HERC2: variants seen among roughly 807,000 people sequenced by gnomAD.
HERC2 encodes HECT and RLD domain containing E3 ubiquitin protein ligase 2, also known as E3 ubiquitin-protein ligase HERC2.
Under a neutral mutation model 537.7 loss-of-function variants are expected in HERC2, and 102 were observed. The ratio of observed to expected loss-of-function variants is 0.19; its 90% CI spans 0.16 to 0.22. HERC2 has a LOEUF of 0.22. HERC2 is among the 10% of genes least tolerant of loss of function. The pLI is 1.00. For missense variants in HERC2, 4,236 were observed against 6,198.2 expected, an observed-to-expected ratio of 0.68 and a Z score of 10.63; for synonymous variants, 2,224 against 2,466.2, an observed-to-expected ratio of 0.90 and a Z score of 2.91.
chr15:28,299,744 T>C (rs565855481), intron 2 of HERC2, among the ~76,000 whole-genome samples: 2 of 152,314 alleles, frequency 1.3e-5, no homozygotes, highest in East Asian at 1.9e-4. Context: ...CTACCTCTTA[T>C]GTAACATACA....
chr15:28,208,171 G>A (rs1022569707), intron 44 of HERC2, among the ~76,000 whole-genome samples: 8 of 151,988 alleles, frequency 5.3e-5, no homozygotes, highest in African/African-American at 1.9e-4. Context: ...TTCATCCTCA[G>A]CAGGTTTAAA....
intron 71 of HERC2, among the ~76,000 whole-genome samples, 188 bp downstream of exon 71, chr15:28,146,049 T>C (rs1194261533): frequency 1.3e-5 from 2 of 152,218 alleles, no homozygotes; most frequent in Non-Finnish European, 2.9e-5. Context: ...CACAGATAAT[T>C]ACTGTATTTA....
chr15:28,301,723 TTGTA>T (rs1161405060), intron 2 of HERC2, among the ~76,000 whole-genome samples: 23 of 78,070 alleles, frequency 2.9e-4, no homozygotes, highest in African/African-American at 1.3e-3. Flanking sequence ...TACACACTAG[TTGTA>T]TGTATGTGTA....
At chr15:28,224,134 T>TATACACACAC (rs1900826818) in intron 35 of HERC2, among the ~76,000 whole-genome samples, 1 of 5,800 alleles carries the variant, frequency 1.7e-4, no homozygotes, top group African/African-American at 3.1e-4. Context: ...TAAAAAATTA[T>TATACACACAC]ACACACACAC....
In HERC2 at chr15:28,150,706, AAC is replaced by A. The variant is rs558644097; in HGVS notation, c.10900+1969_10900+1970del. Among the ~76,000 whole-genome samples the A allele has an allele frequency of 6.0e-4, 91 of 151,908 alleles. 1 individual carries two copies. In the South Asian group the frequency reaches 0.01, roughly 17 times the overall value. ...GACATTCTAGTGAAATTACAGAAAA[AAC>A]ACACGCGGCTTCTAACTAACCGAGA... On this transcript the variant is annotated intron_variant, in intron 70 of 92. Coordinates refer to ENST00000261609, the MANE Select transcript of HERC2 (RefSeq NM_004667.6).
At chr15:28,237,703 TC>T (rs1902609476) in intron 25 of HERC2, among the ~76,000 whole-genome samples, 1 of 152,198 alleles carries the variant, frequency 6.6e-6, no homozygotes, top group Admixed American at 6.5e-5. Context: ...GGAAAGCTAA[TC>T]CCAATATATA....
At chr15:28,314,863 G>GAAA (rs11324616) in intron 2 of HERC2, among the ~76,000 whole-genome samples, 2 of 142,782 alleles carry the variant, frequency 1.4e-5, no homozygotes, top group Non-Finnish European at 3.1e-5. Context: ...TCCCTCTCAG[G>GAAA]AAAAAAAAAA....
chr15:28,178,322 T>C (rs1895494155), intron 59 of HERC2, among the ~76,000 whole-genome samples: 1 of 152,188 alleles, frequency 6.6e-6, no homozygotes, highest in South Asian at 2.1e-4. Flanking sequence ...AAGACCATCT[T>C]CCCACAAAGG....
rs1887919778 is a variant in HERC2 at position 28,113,801 on chromosome 15, A to C, written c.13914-123T>G. The C allele has an allele frequency of 1.3e-6, 1 of 747,260 alleles. No individual in the cohort carries two copies. The highest frequency in any genetic ancestry group is 2.3e-6 in the Non-Finnish European group (1 of 432,196). 46.3% of individuals were successfully genotyped at this position (747,260 alleles called of 1,614,324 possible). On this transcript the variant is annotated intron_variant, in intron 90 of 92. Transcript: ENST00000261609. The surrounding 1 kb of genome is among the most constrained non-coding windows in gnomAD (Gnocchi z 7.0). ...TCCCAGCTGGGAGAACAGAGGGAGC[A>C]GCTCCAGATGGCATGAGCATGCTTA...
At chr15:28,262,828 T>A in intron 15 of HERC2, 90 bp downstream of exon 15, 1 of 1,325,454 alleles carries the variant, frequency 7.5e-7, no homozygotes, top group African/African-American at 1.5e-5. Flanking sequence ...ACTCATGGAA[T>A]GTCAGGTTAA....
chr15:28,130,422 T>C, intron 82 of HERC2, 81 bp downstream of exon 82: 2 of 1,580,116 alleles, frequency 1.3e-6, no homozygotes, highest in South Asian at 1.1e-5. Flanking sequence ...AGAAGCTACA[T>C]TCCCATCCAT....
Position 28,146,268 on chromosome 15 carries a change from G to A in HERC2, c.10977C>T (p.Asp3659=), listed in dbSNP as rs759694303. The change falls in exon 71 of 93, where the codon GAC becomes GAT. Residue 3659 remains aspartate (D), a synonymous_variant. Coordinates refer to ENST00000261609, the MANE Select transcript of HERC2 (RefSeq NM_004667.6). ...GCACGGAGACGATCCTGTTGACGCCGTCCATGACTGTGAGAGGGTCGTGGC... is the reference window on the plus strand; with the variant it reads ...GCACGGAGACGATCCTGTTGACGCCATCCATGACTGTGAGAGGGTCGTGGC... ...ERRHDPLTVM[D]GVNRIVSVRS... 3.3e-5 allele frequency: 53 copies of A among 1,613,782 alleles called. No individual in the cohort carries two copies. Among genetic ancestry groups the A allele is most frequent in the East Asian group, 8.9e-5 (4 of 44,874 alleles).
chr15:28,179,180 A>G lies in HERC2; in HGVS notation c.8981T>C (p.Val2994Ala). Residue 2994 changes from valine to alanine, a missense_variant, in exon 58 of 93, where the codon GTG (valine) becomes GCG (alanine). Transcript: ENST00000261609. ...TTTAGATCCACCAGCCACCTGTACC[A>G]CATTCAAAGCTGACAGTGTCTCAGA... ...SFSETLSALN[V>A]VQVAGGSKSL... is the part of the protein sequence containing the mutation. 1 of 1,613,256 alleles carries G rather than the reference A, an allele frequency of 6.2e-7. No individual in the cohort carries two copies. The highest frequency in any genetic ancestry group is 8.5e-7 in the Non-Finnish European group (1 of 1,179,678).
At chr15:28,222,664 C>A (rs1666433416) in intron 35 of HERC2, among the ~76,000 whole-genome samples, 1 of 152,164 alleles carries the variant, frequency 6.6e-6, no homozygotes, top group South Asian at 2.1e-4. Flanking sequence ...TTGCTGCAGG[C>A]TGGCCCTCGG....
At chr15:28,272,074 G>A in intron 9 of HERC2, 141 bp downstream of exon 9, 1 of 728,490 alleles carries the variant, frequency 1.4e-6, no homozygotes, top group Non-Finnish European at 2.2e-6. Context: ...TCCCACACCT[G>A]TCTCATCTGA....
At chr15:28,225,008 T>C (rs949498638) in intron 35 of HERC2, among the ~76,000 whole-genome samples, 6 of 152,242 alleles carry the variant, frequency 3.9e-5, no homozygotes, top group African/African-American at 9.6e-5. Flanking sequence ...GGGGCAATTA[T>C]ACTATGAAAG....
chr15:28,143,095 A>C (rs1462010068), intron 74 of HERC2, 143 bp from the exon 75 acceptor site: 9 of 733,400 alleles, frequency 1.2e-5, no homozygotes, highest in Non-Finnish European at 1.9e-5. Context: ...CAAAATTCTC[A>C]AGTAGGAAAA....
At chr15:28,319,476 T>C (rs1173795708) in intron 2 of HERC2, among the ~76,000 whole-genome samples, 1 of 149,858 alleles carries the variant, frequency 6.7e-6, no homozygotes, top group Admixed American at 6.7e-5. Context: ...TCCCAGCTAC[T>C]CGGAAGGCTG....
intron 4 of HERC2, among the ~76,000 whole-genome samples, chr15:28,287,474 T>C (rs1470150032): frequency 6.6e-6 from 1 of 152,018 alleles, no homozygotes; most frequent in African/African-American, 2.4e-5. Flanking sequence ...AAGAAAGGTG[T>C]ATTTCGGGTC....
Sources: gnomAD v4.1 joint callset for allele counts (sites outside exome capture counted in the v4.1 genomes callset) on GRCh38, gnomAD v4.1.1 for gene constraint, Gnocchi (gnomAD v3.1) non-coding constraint, MANE v1.5 for transcripts, NCBI Gene and HGNC (gene_info 2026-07-23, HGNC 2026-07-21) for gene names.